CES5A: variants seen among roughly 807,000 people sequenced by gnomAD.
CES5A encodes carboxylesterase 5.
CES5A carries 67 observed loss-of-function variants against 62.9 expected under a neutral mutation model. The ratio of observed to expected loss-of-function variants is 1.07; its 90% CI spans 0.88 to 1.31. CES5A has a LOEUF of 1.31. Ranked by LOEUF, CES5A falls within the 50% of genes most tolerant of loss-of-function variation. The pLI is 0.00. For missense variants in CES5A, 748 were observed against 708.5 expected, an observed-to-expected ratio of 1.06 and a Z score of -0.63; for synonymous variants, 296 against 280.8, an observed-to-expected ratio of 1.05 and a Z score of -0.54.
chr16:55,931,157 T>A (rs544870294), intron 2 of CES5A, among the ~76,000 whole-genome samples: 1 of 152,224 alleles, frequency 6.6e-6, no homozygotes, highest in Non-Finnish European at 1.5e-5. Flanking sequence ...CACTCCACCC[T>A]CTGCTATTCT....
At chr16:55,878,106 C>T (rs1399901120), upstream of CES5A, among the ~76,000 whole-genome samples, 4 of 152,140 alleles carry the variant, frequency 2.6e-5, no homozygotes, top group African/African-American at 9.7e-5. Flanking sequence ...ATAGGCTCTC[C>T]CTGTTCTCCC....
At chr16:55,856,577 T>C in intron 8 of CES5A, 132 bp from the exon 9 acceptor site, 1 of 730,820 alleles carries the variant, frequency 1.4e-6, no homozygotes, top group South Asian at 1.6e-5. Context: ...CAGCCACATG[T>C]GGAAGTGGCC....
chr16:55,848,600 T>C (rs1567321383), intron 11 of CES5A, among the ~76,000 whole-genome samples: 1 of 152,238 alleles, frequency 6.6e-6, no homozygotes, highest in Admixed American at 6.5e-5. Flanking sequence ...GATGTTCGTA[T>C]GTTTAGAAGC....
chr16:55,847,543 C>G (rs1050318222), intron 11 of CES5A, among the ~76,000 whole-genome samples: 6 of 152,116 alleles, frequency 3.9e-5, no homozygotes, highest in Non-Finnish European at 7.4e-5. Flanking sequence ...TGCCCAGTGA[C>G]GAGCCTCAGA....
intron 1 of CES5A, among the ~76,000 whole-genome samples, chr16:55,881,670 A>G (rs1291602399): frequency 6.6e-6 from 1 of 152,194 alleles, no homozygotes; most frequent in African/African-American, 2.4e-5. Context: ...TAAAATAAAT[A>G]CATCTCCTAG....
intron 2 of CES5A, among the ~76,000 whole-genome samples, chr16:55,949,293 T>C (rs560082896): frequency 6.6e-5 from 10 of 152,220 alleles, no homozygotes; most frequent in South Asian, 6.2e-4. Context: ...CATGGGGAGT[T>C]CTGAAGATGA....
At chr16:55,922,562 C>G (rs1259735733) in intron 1 of CES5A, among the ~76,000 whole-genome samples, 1 of 151,832 alleles carries the variant, frequency 6.6e-6, no homozygotes, top group East Asian at 1.9e-4. Context: ...ATTAATAGAT[C>G]TAAAGGAAGA....
intron 8 of CES5A, among the ~76,000 whole-genome samples, chr16:55,858,955 T>C (rs1290181848): frequency 1.3e-5 from 2 of 152,148 alleles, no homozygotes; most frequent in Non-Finnish European, 2.9e-5. Flanking sequence ...CCTTCATATA[T>C]CTATCACTCT....
At chr16:55,931,543 C>T (rs1240668917) in intron 2 of CES5A, among the ~76,000 whole-genome samples, 5 of 152,194 alleles carry the variant, frequency 3.3e-5, no homozygotes, top group Non-Finnish European at 5.9e-5. Flanking sequence ...ACTCATATCC[C>T]ACATTGCAGT....
At chr16:55,927,910 G>A (rs916760677), upstream of CES5A, among the ~76,000 whole-genome samples, 6 of 152,116 alleles carry the variant, frequency 3.9e-5, no homozygotes, top group South Asian at 2.1e-4. Flanking sequence ...AAAAAATATG[G>A]TATACATATA....
chr16:55,861,109 T>TTCTG, intron 7 of CES5A, among the ~76,000 whole-genome samples: 1 of 152,210 alleles, frequency 6.6e-6, no homozygotes, highest in Non-Finnish European at 1.5e-5. Flanking sequence ...TGACTTCAGC[T>TTCTG]TCTGGAAGCA....
rs1210557671 is a variant in CES5A at position 55,863,428 on chromosome 16, A to G, written c.730T>C (p.Leu244=). The change falls in exon 6 of 13, where the codon TTA becomes CTA. Residue 244 remains leucine, a synonymous_variant. Transcript: ENST00000290567. ...CTCTCCATGATGGCTTTGTGGAATA[A>G]GCCTTTGGCCATGGGAGACAGTATC... ...SLILSPMAKG[L]FHKAIMESGV... 1.9e-6 allele frequency: 3 copies of G among 1,604,988 alleles called. No individual in the cohort carries two copies. The highest frequency in any genetic ancestry group is 2.6e-6 in the Non-Finnish European group (3 of 1,173,028).
chr16:55,896,606 G>A (rs1870038), intron 1 of CES5A, among the ~76,000 whole-genome samples: 48,770 of 152,146 alleles, frequency 0.32, 8,544 homozygotes, highest in East Asian at 0.5. Context: ...TGGGGACACT[G>A]AGTGTTAGGG....
chr16:55,849,849 A>T (rs7186875), intron 10 of CES5A, 76 bp from the exon 11 acceptor site: 13 of 1,512,800 alleles, frequency 8.6e-6, no homozygotes, highest in East Asian at 2.3e-5. Context: ...CCACCTATCA[A>T]GTCTTGGATG....
At chr16:55,954,592 C>T (rs776723386) in intron 1 of CES5A, among the ~76,000 whole-genome samples, 8 of 152,172 alleles carry the variant, frequency 5.3e-5, no homozygotes, top group Non-Finnish European at 1.0e-4. Context: ...CCAGCTGTCA[C>T]CATCTCAAGG....
chr16:55,932,654 G>A (rs1417884649), intron 2 of CES5A, among the ~76,000 whole-genome samples: 1 of 152,158 alleles, frequency 6.6e-6, no homozygotes, highest in Admixed American at 6.5e-5. Flanking sequence ...ATAGGAAGGA[G>A]CCAGCCATGA....
At chr16:55,929,725 G>C (rs528893174), upstream of CES5A, among the ~76,000 whole-genome samples, 6 of 152,338 alleles carry the variant, frequency 3.9e-5, no homozygotes, top group Non-Finnish European at 5.9e-5. Flanking sequence ...ATTGAAGAAA[G>C]TGAGGTCGAA....
At position 55,866,107 on chromosome 16, in the gene CES5A, A is replaced by C; in HGVS notation, c.561T>G (p.Asp187Glu). ...LGIFGFFTTW[D>E]QHAPGNWAFK... Reference sequence around the variant, plus strand: ...AGGCCCAGTTCCCCGGAGCATGCTGATCCCATGTGCTGAGGACAAGAGGCA... The same window carrying C: ...AGGCCCAGTTCCCCGGAGCATGCTGCTCCCATGTGCTGAGGACAAGAGGCA... The change falls in exon 5 of 13, where the codon GAT becomes GAG. Residue 187 changes from aspartate (D) to glutamate (E), a missense_variant. By Grantham distance (45) the Asp-to-Glu change is conservative. Transcript: ENST00000290567. The C allele has an allele frequency of 6.2e-7, 1 of 1,612,922 alleles. No individual in the cohort carries two copies. The highest frequency in any genetic ancestry group is 8.5e-7 in the Non-Finnish European group (1 of 1,179,314).
upstream of CES5A, among the ~76,000 whole-genome samples, chr16:55,927,676 T>C (rs890376156): frequency 5.9e-5 from 9 of 152,324 alleles, no homozygotes; most frequent in East Asian, 1.5e-3. Flanking sequence ...GTGGGAATGA[T>C]GTAAATTAGT....
Sources: allele counts gnomAD v4.1 joint callset (sites outside exome capture counted in the v4.1 genomes callset), GRCh38; gene constraint gnomAD v4.1.1; transcripts MANE v1.5; gene names NCBI Gene and HGNC (gene_info 2026-07-23, HGNC 2026-07-21).